The following SLAMF8 variants were observed in gnomAD, a reference collection of about 807,000 sequenced individuals.
SLAMF8 encodes B lymphocyte activator macrophage expressed.
Under a neutral mutation model 29.0 loss-of-function variants are expected in SLAMF8, and 23 were observed. That is an observed-to-expected ratio of 0.79 (90% CI 0.57 to 1.13). The LOEUF (loss-of-function observed/expected upper bound fraction) is 1.13, where lower values mean the gene tolerates loss of function less well. Among genes scored for constraint, SLAMF8 ranks in the 50% most tolerant of loss-of-function variants. The probability of loss-of-function intolerance (pLI) is 0.00; values close to 1 mark genes in which losing one functional copy is unlikely to be tolerated. For synonymous variants in SLAMF8, 139 were observed against 145.6 expected (o/e 0.96, Z 0.32); for missense variants, 381 against 353.1 (o/e 1.08, Z -0.63).
In SLAMF8 at chr1:159,829,913, G is replaced by A. The variant is rs115535212; in HGVS notation, c.88G>A (p.Gly30Arg). 1.2e-3 allele frequency: 1,926 copies of A among 1,614,024 alleles called. 18 individuals are homozygous for A. The South Asian group carries it at 0.014, about 12-fold the overall frequency. The part of the protein sequence containing the change: ...VTGAQVLSKV[G>R]GSVLLVAARP... ...TGGTGCCCAAGTGCTGAGCAAAGTC[G>A]GGGGCTCGGTGCTGCTGGTGGCAGC... The change falls in exon 2 of 5, where the codon GGG becomes AGG. Residue 30 changes from glycine (G) to arginine (R), a missense_variant. Coordinates refer to ENST00000289707, the MANE Select transcript of SLAMF8 (RefSeq NM_020125.3).
At chr1:159,830,391 T>A (rs1390663434) in intron 2 of SLAMF8, among the ~76,000 whole-genome samples, 199 bp downstream of exon 2, 2 of 152,174 alleles carry the variant, frequency 1.3e-5, no homozygotes, top group African/African-American at 4.8e-5. Context: ...GGCTTTGCCA[T>A]TTCACAGTGC....
Position 159,837,074 on chromosome 1 carries a change from T to C in SLAMF8, c.*1814T>C. The C allele has an allele frequency of 1.0e-6, 1 of 985,416 alleles. No homozygotes were observed. Among genetic ancestry groups the C allele is most frequent in the South Asian group, 4.7e-5 (1 of 21,288 alleles). 61.0% of individuals were successfully genotyped at this position (985,416 alleles called of 1,614,324 possible). A position where few individuals can be genotyped will look rare whatever the true frequency, so the allele number is the denominator to read the frequency against. On this transcript the variant is annotated 3_prime_UTR_variant, in exon 5 of 5. Transcript: ENST00000289707. ...CACAGCACTCCCCACCTTTCTTTCG[T>C]TCATCTCCAGGGCCCCACCTCAGAT... is the stretch of plus-strand genomic sequence containing the variant.
Position 159,836,508 on chromosome 1 carries a change from G to A in SLAMF8, c.*1248G>A. ...GGTTCACAGTTTCTCTCACCCAGGTGTAACTGGATTTTTTCTGGGGCCTCA... is the reference window on the plus strand; with the variant it reads ...GGTTCACAGTTTCTCTCACCCAGGTATAACTGGATTTTTTCTGGGGCCTCA... On this transcript the variant is annotated 3_prime_UTR_variant, in exon 5 of 5. Transcript: ENST00000289707. The A allele has an allele frequency of 1.0e-6, 1 of 985,474 alleles. No individual in the cohort carries two copies. Among genetic ancestry groups the A allele is most frequent in the Non-Finnish European group, 1.2e-6 (1 of 829,946 alleles). The allele number at this position is 985,474 out of a possible 1,614,324, so 61.0% of individuals were successfully genotyped here. A position where few individuals can be genotyped will look rare whatever the true frequency, so the allele number is the denominator to read the frequency against.
intron 1 of SLAMF8, among the ~76,000 whole-genome samples, chr1:159,829,119 T>A (rs1269195058): frequency 6.6e-6 from 1 of 152,148 alleles, no homozygotes; most frequent in Non-Finnish European, 1.5e-5. Context: ...GTTGCTCCCT[T>A]CCTCAATTCA....
chr1:159,827,230 G>A (rs1285323082), intron 1 of SLAMF8, among the ~76,000 whole-genome samples: 2 of 152,178 alleles, frequency 1.3e-5, no homozygotes, highest in African/African-American at 4.8e-5. Context: ...TGATACTGCT[G>A]GTTTGGAGAG....
intron 2 of SLAMF8, among the ~76,000 whole-genome samples, chr1:159,832,194 A>T (rs2101792300): frequency 6.6e-6 from 1 of 152,364 alleles, no homozygotes; most frequent in Non-Finnish European, 1.5e-5. Flanking sequence ...TAAGTTTACT[A>T]AGCTAACAAG....
At position 159,830,122 on chromosome 1, in the gene SLAMF8, C is replaced by T; in HGVS notation, c.297C>T (p.Gly99=). The T allele has an allele frequency of 6.2e-7, 1 of 1,614,168 alleles. No homozygotes were observed. Among genetic ancestry groups the T allele is most frequent in the Non-Finnish European group, 8.5e-7 (1 of 1,180,004 alleles). The change falls in exon 2 of 5, where the codon GGC becomes GGT. Residue 99 remains glycine (G), a synonymous_variant. Coordinates refer to ENST00000289707, the MANE Select transcript of SLAMF8 (RefSeq NM_020125.3). ...ELGPLESGDS[G]NFSVLMVDTR... is the part of the protein sequence containing the mutation. Reference sequence around the variant, plus strand: ...GGCCGCTGGAGTCTGGAGACAGCGGCAACTTCTCCGTGTTGATGGTGGACA... The same window carrying T: ...GGCCGCTGGAGTCTGGAGACAGCGGTAACTTCTCCGTGTTGATGGTGGACA...
intron 1 of SLAMF8, among the ~76,000 whole-genome samples, 165 bp from the exon 2 acceptor site, chr1:159,829,701 T>C (rs958497809): frequency 4.6e-5 from 7 of 152,238 alleles, no homozygotes; most frequent in African/African-American, 1.4e-4. Context: ...ACTGGGGTTA[T>C]CTTCCATATG....
At chr1:159,828,948 G>A (rs2101782396) in intron 1 of SLAMF8, among the ~76,000 whole-genome samples, 1 of 152,230 alleles carries the variant, frequency 6.6e-6, no homozygotes, top group Admixed American at 6.5e-5. Flanking sequence ...TTCTCCTCCT[G>A]TTCTGGATCA....
chr1:159,836,841 C>G lies in SLAMF8; in HGVS notation c.*1581C>G. 7.1e-6 allele frequency: 7 copies of G among 985,602 alleles called. No homozygotes were observed. The highest frequency in any genetic ancestry group is 8.4e-6 in the Non-Finnish European group (7 of 830,032). The allele number at this position is 985,602 out of a possible 1,614,324, so 61.1% of individuals were successfully genotyped here. ...TCTCATCCCTTTCCCACACCCACTTCTCTCCTATCACCTTCCCCCAAGATT... is the reference window on the plus strand; with the variant it reads ...TCTCATCCCTTTCCCACACCCACTTGTCTCCTATCACCTTCCCCCAAGATT... On this transcript the variant is annotated 3_prime_UTR_variant, in exon 5 of 5. Coordinates refer to ENST00000289707, the MANE Select transcript of SLAMF8 (RefSeq NM_020125.3).
At position 159,835,237 on chromosome 1, in the gene SLAMF8, C is replaced by T. The variant is rs943283077; in HGVS notation, c.835C>T (p.Pro279Ser). The T allele has an allele frequency of 6.2e-7, 1 of 1,614,036 alleles. No homozygotes were observed. The highest frequency in any genetic ancestry group is 8.5e-7 in the Non-Finnish European group (1 of 1,179,990). Residue 279 changes from proline to serine, a missense_variant, in exon 5 of 5, where the codon CCC (proline) becomes TCC (serine). Pro to Ser is a moderately conservative substitution (Grantham distance 74). Transcript: ENST00000289707. The part of the protein sequence containing the change: ...ADRVGPETEN[P>S]LVQDLP ...CAGAGTGGGTCCAGAGACAGAGAACCCCCTTGTGCAGGATCTGCCATAAAG... is the reference window on the plus strand; with the variant it reads ...CAGAGTGGGTCCAGAGACAGAGAACTCCCTTGTGCAGGATCTGCCATAAAG...
intron 4 of SLAMF8, chr1:159,834,815 T>C (rs1647787880): frequency 5.0e-6 from 1 of 199,764 alleles, no homozygotes; most frequent in African/African-American, 2.3e-5. Context: ...AATAGCATCT[T>C]TGGCCACTGA....
rs1290718741 is a variant in SLAMF8, at chr1:159,832,031, C to T, written c.368-845C>T. On this transcript the variant is annotated intron_variant, in intron 2 of 4. Transcript: ENST00000289707. ...CAGAGACTGAGCCCTCCTGTTGTCA[C>T]CAGAATGCTCTCCCACTGGCCTCAT... Among the ~76,000 whole-genome samples, 7 of 152,166 alleles carry T rather than the reference C, an allele frequency of 4.6e-5. No individual in the cohort carries two copies. In the East Asian group the frequency reaches 1.3e-3, roughly 29 times the overall value.
intron 2 of SLAMF8, among the ~76,000 whole-genome samples, chr1:159,830,668 A>G (rs983497387): frequency 1.3e-5 from 2 of 152,142 alleles, no homozygotes; most frequent in African/African-American, 4.8e-5. Flanking sequence ...ATGTGTCATT[A>G]GTCTAAAGGA....
At chr1:159,830,761 TA>T (rs935281816) in intron 2 of SLAMF8, among the ~76,000 whole-genome samples, 2 of 152,226 alleles carry the variant, frequency 1.3e-5, no homozygotes, top group African/African-American at 4.8e-5. Flanking sequence ...ATTAAAAGTA[TA>T]GAATTTACAC....
rs369564431 is a variant in SLAMF8 at position 159,826,995 on chromosome 1, G to A, written c.40+57G>A. The A allele has an allele frequency of 4.8e-4, 772 of 1,606,392 alleles. 3 individuals are homozygous for A. Among genetic ancestry groups the A allele is most frequent in the Non-Finnish European group, 2.1e-4 (245 of 1,174,118 alleles). ...GAGAGCTGAAGGCCCCTCCCCAGCTGCCTATGCCAGACGTCTGGGCAGGGA... is the reference window on the plus strand; with the variant it reads ...GAGAGCTGAAGGCCCCTCCCCAGCTACCTATGCCAGACGTCTGGGCAGGGA... On this transcript the variant is annotated intron_variant, in intron 1 of 4. Transcript: ENST00000289707.
chr1:159,837,047 T>C lies in SLAMF8; in HGVS notation c.*1787T>C. ...CCCTGGTGGATTTGTGGGGAAAAAATACACAGCACTCCCCACCTTTCTTTC... is the reference window on the plus strand; with the variant it reads ...CCCTGGTGGATTTGTGGGGAAAAAACACACAGCACTCCCCACCTTTCTTTC... On this transcript the variant is annotated 3_prime_UTR_variant, in exon 5 of 5. Transcript: ENST00000289707. 1 of 985,226 alleles carries C rather than the reference T, an allele frequency of 1.0e-6. No homozygotes were observed. Among genetic ancestry groups the C allele is most frequent in the Non-Finnish European group, 1.2e-6 (1 of 829,900 alleles). The allele number at this position is 985,226 out of a possible 1,614,324, so 61.0% of individuals were successfully genotyped here.
Position 159,836,064 on chromosome 1 carries a change from A to G in SLAMF8, c.*804A>G. 1 of 985,458 alleles carries G rather than the reference A, an allele frequency of 1.0e-6. No homozygotes were observed. The highest frequency in any genetic ancestry group is 1.2e-6 in the Non-Finnish European group (1 of 829,952). The allele number at this position is 985,458 out of a possible 1,614,324, so 61.0% of individuals were successfully genotyped here. On this transcript the variant is annotated 3_prime_UTR_variant, in exon 5 of 5. Transcript: ENST00000289707. Reference sequence around the variant, plus strand: ...TCACGCTCCAGCACAGTGGCCAGGAAAAGAAATACTGAATTTGCCCCAGCC... The same window carrying G: ...TCACGCTCCAGCACAGTGGCCAGGAGAAGAAATACTGAATTTGCCCCAGCC...
rs141741874 is a variant in SLAMF8, at chr1:159,828,423, C to T, written c.41-1443C>T. ...GGAGGACAGTGAGGCAGAGGGGGACCGGAATTATCATGGCCGACTGAGCAA... is the reference window on the plus strand; with the variant it reads ...GGAGGACAGTGAGGCAGAGGGGGACTGGAATTATCATGGCCGACTGAGCAA... On this transcript the variant is annotated intron_variant, in intron 1 of 4. Transcript: ENST00000289707. Among the ~76,000 whole-genome samples the T allele has an allele frequency of 3.6e-4, 55 of 152,254 alleles. No individual in the cohort carries two copies. In the East Asian group the frequency reaches 7.3e-3, roughly 20 times the overall value.
Sources: gnomAD v4.1 joint callset for allele counts (sites outside exome capture counted in the v4.1 genomes callset) on GRCh38, gnomAD v4.1.1 for gene constraint, MANE v1.5 for transcripts, NCBI Gene and HGNC (gene_info 2026-07-23, HGNC 2026-07-21) for gene names.